LRRTM4: variants seen among roughly 807,000 people sequenced by gnomAD.
LRRTM4 encodes leucine rich repeat transmembrane neuronal 4, also known as leucine-rich repeat transmembrane neuronal protein 4.
In LRRTM4, 25 loss-of-function variants were observed where a neutral mutation model predicts 47.6. The observed-to-expected ratio is 0.53, with a 90% CI of 0.38 to 0.73. LRRTM4 has a LOEUF of 0.73. Among genes scored for constraint, LRRTM4 ranks in the 30% least tolerant of loss-of-function variants. The pLI, the probability that LRRTM4 is intolerant of heterozygous loss-of-function variation, is 0.00. For missense variants in LRRTM4, 638 were observed against 713.4 expected, an observed-to-expected ratio of 0.89 and a Z score of 1.20; for synonymous variants, 311 against 269.5, an observed-to-expected ratio of 1.15 and a Z score of -1.51.
intron 3 of LRRTM4, among the ~76,000 whole-genome samples, chr2:77,129,600 TTTCA>T (rs1671742583): frequency 6.6e-6 from 1 of 152,208 alleles, no homozygotes; most frequent in African/African-American, 2.4e-5. Flanking sequence ...CATTTTCTAG[TTTCA>T]TTAAGATATT....
chr2:77,180,564 A>G (rs763966744), intron 3 of LRRTM4, among the ~76,000 whole-genome samples: 1 of 152,192 alleles, frequency 6.6e-6, no homozygotes, highest in African/African-American at 2.4e-5. Flanking sequence ...AAATTCATGT[A>G]AAACCTTCAC....
chr2:76,961,666 T>TAC (rs1461409871), intron 3 of LRRTM4, among the ~76,000 whole-genome samples: 1 of 151,308 alleles, frequency 6.6e-6, no homozygotes, highest in Non-Finnish European at 1.5e-5. Flanking sequence ...TGAATACTTT[T>TAC]ACATTAGGGC....
At chr2:76,773,805 C>T (rs1399627551) in intron 3 of LRRTM4, among the ~76,000 whole-genome samples, 2 of 149,712 alleles carry the variant, frequency 1.3e-5, no homozygotes, top group African/African-American at 2.4e-5. Flanking sequence ...AAGTTTTTGG[C>T]ATTTTTTTTT....
chr2:77,279,298 G>T (rs1259028162), intron 3 of LRRTM4, among the ~76,000 whole-genome samples: 2 of 151,918 alleles, frequency 1.3e-5, no homozygotes, highest in African/African-American at 4.8e-5. Context: ...TTTTTATCAT[G>T]ATGATTCTTT....
intron 3 of LRRTM4, among the ~76,000 whole-genome samples, chr2:77,416,531 A>C (rs1354947541): frequency 6.6e-6 from 1 of 152,126 alleles, no homozygotes; most frequent in African/African-American, 2.4e-5. Flanking sequence ...CCAACATTAA[A>C]ATGGCTACAA....
chr2:76,831,091 C>G (rs542500077), intron 3 of LRRTM4, among the ~76,000 whole-genome samples: 8 of 152,158 alleles, frequency 5.3e-5, no homozygotes, highest in African/African-American at 1.9e-4. Context: ...TAAGGTGATG[C>G]TGCTAGTAGA....
chr2:76,938,653 GT>G (rs888153098), intron 3 of LRRTM4, among the ~76,000 whole-genome samples: 17 of 151,970 alleles, frequency 1.1e-4, no homozygotes, highest in African/African-American at 4.1e-4. Flanking sequence ...ATTTGAAAAA[GT>G]TTAGATATAA....
intron 3 of LRRTM4, among the ~76,000 whole-genome samples, chr2:76,757,579 G>A (rs1052091151): frequency 5.3e-5 from 8 of 152,046 alleles, no homozygotes; most frequent in African/African-American, 1.7e-4. Flanking sequence ...GCTTTCCTTC[G>A]GTAGCTCTGG....
intron 3 of LRRTM4, among the ~76,000 whole-genome samples, chr2:77,335,250 T>C (rs1381635274): frequency 6.6e-6 from 1 of 152,224 alleles, no homozygotes; most frequent in African/African-American, 2.4e-5. Context: ...CACTTAAGCA[T>C]AAAAATTATT....
At chr2:77,078,378 A>ACC (rs1048944579) in intron 3 of LRRTM4, among the ~76,000 whole-genome samples, 1 of 108,140 alleles carries the variant, frequency 9.2e-6, no homozygotes, top group African/African-American at 4.9e-5. Context: ...TTACACACAC[A>ACC]CCCACACACA....
chr2:76,796,463 G>A lies in LRRTM4; in HGVS notation c.1552-47547C>T, dbSNP rs892275910. On this transcript the variant is annotated intron_variant, in intron 3 of 3. Transcript: ENST00000409884. ...CTGTGGTTCTCCCAGCATGCAGCTG[G>A]AGATCTGAGAATGGGCAGACTGCCT... is the stretch of plus-strand genomic sequence containing the variant. Among the ~76,000 whole-genome samples, 5 of 133,232 alleles carry A rather than the reference G, an allele frequency of 3.8e-5. No individual in the cohort carries two copies. The East Asian group carries it at 1.1e-3, about 29-fold the overall frequency. The allele number at this position is 133,232 out of a possible 152,430, so 87.4% of individuals were successfully genotyped here. A position where few individuals can be genotyped will look rare whatever the true frequency, so the allele number is the denominator to read the frequency against.
intron 3 of LRRTM4, among the ~76,000 whole-genome samples, chr2:76,955,225 T>C (rs1196212444): frequency 6.6e-6 from 1 of 151,836 alleles, no homozygotes; most frequent in Non-Finnish European, 1.5e-5. Flanking sequence ...CTTTTAATTC[T>C]GAAGTAGGAG....
At chr2:77,450,599 G>T (rs1272157600) in intron 3 of LRRTM4, among the ~76,000 whole-genome samples, 2 of 151,888 alleles carry the variant, frequency 1.3e-5, no homozygotes, top group Admixed American at 1.3e-4. Flanking sequence ...TACTATTGTT[G>T]CCTCTCTTTG....
At chr2:76,951,220 G>T (rs1428387007) in intron 3 of LRRTM4, among the ~76,000 whole-genome samples, 1 of 152,000 alleles carries the variant, frequency 6.6e-6, no homozygotes, top group South Asian at 2.1e-4. Context: ...GATTAGCAGT[G>T]TAAAAATATC....
intron 3 of LRRTM4, among the ~76,000 whole-genome samples, chr2:77,362,721 A>G (rs1287245577): frequency 1.3e-5 from 2 of 152,164 alleles, no homozygotes; most frequent in Admixed American, 1.3e-4. Flanking sequence ...CAGGGCCATA[A>G]GACTGTGGCT....
chr2:77,489,534 A>T (rs1257393830), intron 3 of LRRTM4, among the ~76,000 whole-genome samples: 5 of 152,244 alleles, frequency 3.3e-5, no homozygotes, highest in Non-Finnish European at 1.5e-5. Flanking sequence ...ACATATCAAC[A>T]TTTAAAGCAA....
intron 3 of LRRTM4, among the ~76,000 whole-genome samples, chr2:77,180,919 C>T (rs1265129522): frequency 6.6e-6 from 1 of 152,078 alleles, no homozygotes; most frequent in South Asian, 2.1e-4. Flanking sequence ...TCTTTCAGTA[C>T]ACTTACATAT....
At chr2:76,815,188 C>G (rs75853667) in intron 3 of LRRTM4, among the ~76,000 whole-genome samples, 1,849 of 152,140 alleles carry the variant, frequency 0.012, 34 homozygotes, top group African/African-American at 0.041. Context: ...AGTGACTCTT[C>G]ACACAAAAAG....
intron 3 of LRRTM4, among the ~76,000 whole-genome samples, chr2:76,950,047 A>G (rs1248734444): frequency 6.6e-6 from 1 of 151,956 alleles, no homozygotes; most frequent in African/African-American, 2.4e-5. Context: ...GTGAGAGTAG[A>G]GGCCATGATT....
Sources: allele counts gnomAD v4.1 joint callset (sites outside exome capture counted in the v4.1 genomes callset), GRCh38; gene constraint gnomAD v4.1.1; transcripts MANE v1.5; gene names NCBI Gene and HGNC (gene_info 2026-07-23, HGNC 2026-07-21).